Variants in TSC22D1 observed in about 807,000 individuals in gnomAD.
TSC22D1 encodes TSC22 domain family protein 1.
A neutral mutation model predicts 74.2 loss-of-function variants in TSC22D1; 9 were observed. The observed-to-expected ratio is 0.12, with a 90% CI of 0.07 to 0.21. The LOEUF is 0.21. Ranked by LOEUF, TSC22D1 falls within the 10% of genes least tolerant of loss-of-function variation. The probability of loss-of-function intolerance (pLI) is 1.00; values close to 1 mark genes in which losing one functional copy is unlikely to be tolerated. For synonymous variants in TSC22D1, 586 were observed against 492.5 expected (o/e 1.19, Z -2.51); for missense variants, 1,427 against 1,304.7 (o/e 1.09, Z -1.44).
Position 44,486,757 on chromosome 13 carries a change from T to C in TSC22D1, c.2913-50662A>G, listed in dbSNP as rs1399842105. ...ATACAACCACGTTTGCTGAACACTA[T>C]GCAATTAATTAATGTGTAATTCACT... On this transcript the variant is annotated intron_variant, in intron 1 of 2. Transcript: ENST00000458659. 2.0e-5 allele frequency among the ~76,000 whole-genome samples: 3 copies of C among 152,294 alleles called. No individual in the cohort carries two copies. The South Asian group carries it at 6.2e-4, about 32-fold the overall frequency.
At chr13:44,545,860 C>G (rs1233437723) in intron 1 of TSC22D1, among the ~76,000 whole-genome samples, 1 of 151,996 alleles carries the variant, frequency 6.6e-6, no homozygotes, top group African/African-American at 2.4e-5. Context: ...GCCTGTAATC[C>G]CAGCTACTTG....
chr13:44,511,485 A>G (rs1879712285), intron 1 of TSC22D1, among the ~76,000 whole-genome samples: 1 of 152,142 alleles, frequency 6.6e-6, no homozygotes, highest in Non-Finnish European at 1.5e-5. Context: ...AGTTGTTGGT[A>G]CTCTAAGATC....
At position 44,576,107 on chromosome 13, in the gene TSC22D1, G is replaced by A. The variant is rs1239400423; in HGVS notation, c.-33C>T. On this transcript the variant is annotated 5_prime_UTR_variant, in exon 1 of 3. Transcript: ENST00000458659. ...GGTACCGGGGGCGCGGAGGAGACGA[G>A]TGCAATTTCCTTCTGCACCGTAATC... is the stretch of plus-strand genomic sequence containing the variant. The A allele has an allele frequency of 2.0e-6, 3 of 1,479,898 alleles. No homozygotes were observed. Among genetic ancestry groups the A allele is most frequent in the African/African-American group, 2.8e-5 (2 of 71,192 alleles). 91.7% of individuals were successfully genotyped at this position (1,479,898 alleles called of 1,614,324 possible).
intron 1 of TSC22D1, among the ~76,000 whole-genome samples, chr13:44,567,605 C>CA (rs201679840): frequency 3.3e-4 from 49 of 147,604 alleles, no homozygotes; most frequent in African/African-American, 1.1e-3. Flanking sequence ...TAAAAAGGAG[C>CA]AAAAAAAAAG....
At chr13:44,544,368 A>C (rs78543891) in intron 1 of TSC22D1, among the ~76,000 whole-genome samples, 2 of 151,468 alleles carry the variant, frequency 1.3e-5, no homozygotes, top group Non-Finnish European at 2.9e-5. Context: ...AAAAAAAAAA[A>C]CCCACCCAAG....
At position 44,434,459 on chromosome 13, in the gene TSC22D1, G is replaced by A. The variant is rs1874345183; in HGVS notation, c.*167C>T. ...ACTAAGAAATTTCTCCAAGCCATAA[G>A]CATATGAGTGTTTAATACTGGAAAA... On this transcript the variant is annotated 3_prime_UTR_variant, in exon 3 of 3. Transcript: ENST00000458659. 2.9e-5 allele frequency: 40 copies of A among 1,380,032 alleles called. No individual in the cohort carries two copies. The South Asian group carries it at 7.0e-4, about 24-fold the overall frequency. 85.5% of individuals were successfully genotyped at this position (1,380,032 alleles called of 1,614,324 possible).
At chr13:44,440,298 C>T (rs974417683) in intron 1 of TSC22D1, among the ~76,000 whole-genome samples, 13 of 152,072 alleles carry the variant, frequency 8.5e-5, no homozygotes, top group African/African-American at 2.4e-4. Context: ...AGTGGCCGGG[C>T]GCGAGCGCGA....
At position 44,489,490 on chromosome 13, in the gene TSC22D1, C is replaced by T. The variant is rs1017810330; in HGVS notation, c.2913-53395G>A. On this transcript the variant is annotated intron_variant, in intron 1 of 2. Coordinates refer to ENST00000458659, the MANE Select transcript of TSC22D1 (RefSeq NM_183422.4). ...TCATTTTATAAATATTAAGACAAGT[C>T]CTAAAATCAATAATAAAAAAAAAAG... Among the ~76,000 whole-genome samples, 4 of 151,560 alleles carry T rather than the reference C, an allele frequency of 2.6e-5. No individual in the cohort carries two copies. In the South Asian group the frequency reaches 8.4e-4, roughly 32 times the overall value.
rs577163849 is a variant in TSC22D1, at chr13:44,496,359, G to C, written c.2913-60264C>G. Among the ~76,000 whole-genome samples the C allele has an allele frequency of 2.3e-4, 35 of 152,166 alleles. No homozygotes were observed. In the South Asian group the frequency reaches 2.7e-3, roughly 12 times the overall value. ...GAGACTAGCCTGGACAACATAGGGAGACCCTGTCTCCACAAAACTTTTTTA... is the reference window on the plus strand; with the variant it reads ...GAGACTAGCCTGGACAACATAGGGACACCCTGTCTCCACAAAACTTTTTTA... On this transcript the variant is annotated intron_variant, in intron 1 of 2. Coordinates refer to ENST00000458659, the MANE Select transcript of TSC22D1 (RefSeq NM_183422.4).
intron 1 of TSC22D1, among the ~76,000 whole-genome samples, chr13:44,556,197 T>C (rs1882625969): frequency 1.3e-5 from 2 of 150,638 alleles, no homozygotes; most frequent in Non-Finnish European, 3.0e-5. Flanking sequence ...AAATAAATAA[T>C]GGAAACGAAA....
At chr13:44,509,950 C>CAAAAAAAAAAAAAAAAAAAAAAAGAA in intron 1 of TSC22D1, among the ~76,000 whole-genome samples, 3 of 51,426 alleles carry the variant, frequency 5.8e-5, no homozygotes, top group African/African-American at 2.3e-4. Context: ...AGAAAATAAG[C>CAAAAAAAAAAAAAAAAAAAAAAAGAA]AAAAAAAAAA....
rs377564538 is a variant in TSC22D1 at position 44,439,066 on chromosome 13, G to A, written c.2913-2971C>T. Among the ~76,000 whole-genome samples the A allele has an allele frequency of 5.3e-5, 8 of 152,276 alleles. No homozygotes were observed. The South Asian group carries it at 1.0e-3, about 20-fold the overall frequency. On this transcript the variant is annotated intron_variant, in intron 1 of 2. Coordinates refer to ENST00000458659, the MANE Select transcript of TSC22D1 (RefSeq NM_183422.4). ...TTCATGCCGTTCTTCAACATAAACA[G>A]AAAGCTGTTTTTATTTCAATCATTT...
At chr13:44,453,902 G>A (rs536342466) in intron 1 of TSC22D1, among the ~76,000 whole-genome samples, 1 of 152,168 alleles carries the variant, frequency 6.6e-6, no homozygotes, top group African/African-American at 2.4e-5. Context: ...TGAAGGTAAA[G>A]TTAAAACATA....
At chr13:44,517,857 A>ATATATATTTTTTTT (rs10627677) in intron 1 of TSC22D1, among the ~76,000 whole-genome samples, 6 of 16,176 alleles carry the variant, frequency 3.7e-4, no homozygotes, top group Admixed American at 9.2e-4. Flanking sequence ...ATATATATAT[A>ATATATATTTTTTTT]TTTTTTTTTT....
intron 1 of TSC22D1, among the ~76,000 whole-genome samples, chr13:44,480,765 T>C (rs572490443): frequency 5.9e-5 from 9 of 152,324 alleles, no homozygotes; most frequent in African/African-American, 2.2e-4. Flanking sequence ...GAGACACTTC[T>C]TGAGGCCAAG....
chr13:44,523,259 C>A (rs1177789609), intron 1 of TSC22D1, among the ~76,000 whole-genome samples: 1 of 152,186 alleles, frequency 6.6e-6, no homozygotes, highest in Non-Finnish European at 1.5e-5. Flanking sequence ...GAGCTAAGCA[C>A]AGGCTTACTA....
intron 1 of TSC22D1, among the ~76,000 whole-genome samples, chr13:44,565,619 AC>A (rs1427098123): frequency 2.0e-5 from 3 of 152,206 alleles, no homozygotes; most frequent in Non-Finnish European, 4.4e-5. Flanking sequence ...GACATTTTCA[AC>A]CTTAACAAAA....
At chr13:44,539,366 A>AC in intron 1 of TSC22D1, 1 of 985,390 alleles carries the variant, frequency 1.0e-6, no homozygotes, top group Non-Finnish European at 1.2e-6. Flanking sequence ...TAACACTTGG[A>AC]CATGTGACTG....
chr13:44,510,759 A>AT (rs1422181607), intron 1 of TSC22D1, among the ~76,000 whole-genome samples: 1 of 151,990 alleles, frequency 6.6e-6, no homozygotes, highest in Non-Finnish European at 1.5e-5. Flanking sequence ...CACCCAGCTA[A>AT]TTTTTGTATA....
Sources: gnomAD v4.1 joint callset for allele counts (sites outside exome capture counted in the v4.1 genomes callset) on GRCh38, gnomAD v4.1.1 for gene constraint, MANE v1.5 for transcripts, NCBI Gene and HGNC (gene_info 2026-07-23, HGNC 2026-07-21) for gene names.